The following COL23A1 variants were observed in gnomAD, a reference collection of about 807,000 sequenced individuals.
COL23A1 encodes collagen alpha-1(XXIII) chain.
COL23A1 carries 97 observed loss-of-function variants against 99.3 expected under a neutral mutation model. The observed-to-expected ratio is 0.98, with a 90% CI of 0.83 to 1.16. The LOEUF (loss-of-function observed/expected upper bound fraction) is 1.16. Among genes scored for constraint, COL23A1 ranks in the 50% most tolerant of loss-of-function variants. COL23A1 has a pLI of 0.00. For synonymous variants in COL23A1, 320 were observed against 308.2 expected (o/e 1.04, Z -0.40); for missense variants, 762 against 757.4 (o/e 1.01, Z -0.07).
At chr5:178,264,603 A>G (rs1411100666) in intron 8 of COL23A1, among the ~76,000 whole-genome samples, 4 of 152,240 alleles carry the variant, frequency 2.6e-5, no homozygotes, top group Admixed American at 1.3e-4. Context: ...ACCCTCTTGT[A>G]ACAAAGAAAG....
intron 2 of COL23A1, among the ~76,000 whole-genome samples, chr5:178,490,875 G>T (rs1169280010): frequency 6.6e-6 from 1 of 152,096 alleles, no homozygotes; most frequent in African/African-American, 2.4e-5. Flanking sequence ...TACCTAAAAA[G>T]AGTGAATTTT....
At chr5:178,311,885 C>A (rs918656587) in intron 2 of COL23A1, among the ~76,000 whole-genome samples, 2 of 152,108 alleles carry the variant, frequency 1.3e-5, no homozygotes, top group Admixed American at 6.5e-5. Context: ...CACGCGCCAC[C>A]ATGCCTGGCT....
chr5:178,359,882 A>G (rs543003883), intron 2 of COL23A1, among the ~76,000 whole-genome samples: 8 of 152,330 alleles, frequency 5.3e-5, no homozygotes, highest in Non-Finnish European at 2.9e-5. Context: ...TCAAGGGTGA[A>G]GGGAGAGGGA....
chr5:178,314,000 G>A lies in COL23A1; in HGVS notation c.362-7081C>T, dbSNP rs1581135858. Among the ~76,000 whole-genome samples the A allele has an allele frequency of 6.6e-6, 1 of 152,026 alleles. No individual in the cohort carries two copies. Among genetic ancestry groups the A allele is most frequent in the East Asian group, 1.9e-4 (1 of 5,180 alleles). ...ATTCTCTCTGCACATTCCCAGCTTG[G>A]CCTCACAAAGCCCTCTGTCCCTTGG... On this transcript the variant is annotated intron_variant, in intron 2 of 28. Transcript: ENST00000390654. The surrounding 1 kb of genome is among the most constrained non-coding windows in gnomAD (Gnocchi z 4.2).
rs1562093659 is a variant in COL23A1 at position 178,562,735 on chromosome 5, G to GGGA, written c.295-1988_295-1987insTCC. ...CGCAGGTTGCTGCCGCTGGCTGGTG[G>GGGA]TGGGGGGGGTGCGGGCTTTTATTCC... is the stretch of plus-strand genomic sequence containing the variant. On this transcript the variant is annotated intron_variant, in intron 1 of 28. Coordinates refer to ENST00000390654, the MANE Select transcript of COL23A1 (RefSeq NM_173465.4). The GGGA allele has an allele frequency of 1.5e-4, 18 of 121,636 alleles. 2 individuals are homozygous for GGGA. The highest frequency in any genetic ancestry group is 6.3e-4 in the African/African-American group (18 of 28,418). 7.5% of individuals were successfully genotyped at this position (121,636 alleles called of 1,614,324 possible). A position where few individuals can be genotyped will look rare whatever the true frequency, so the allele number is the denominator to read the frequency against.
intron 2 of COL23A1, among the ~76,000 whole-genome samples, chr5:178,464,175 T>C (rs1756287256): frequency 6.6e-6 from 1 of 152,230 alleles, no homozygotes; most frequent in Non-Finnish European, 1.5e-5. Flanking sequence ...CTCTTTCATC[T>C]TCCCAAACTG....
At chr5:178,562,515 A>G (rs6880593) in intron 1 of COL23A1, 3 of 150,580 alleles carry the variant, frequency 2.0e-5, no homozygotes, top group Non-Finnish European at 4.4e-5. Flanking sequence ...AGATTGCGCC[A>G]CTGCACTCCA....
At position 178,485,336 on chromosome 5, in the gene COL23A1, G is replaced by A. The variant is rs975139191; in HGVS notation, c.361+75346C>T. Among the ~76,000 whole-genome samples the A allele has an allele frequency of 1.2e-4, 18 of 151,518 alleles. 1 individual carries two copies. The highest frequency in any genetic ancestry group is 8.3e-4 in the South Asian group (4 of 4,794). On this transcript the variant is annotated intron_variant, in intron 2 of 28. Coordinates refer to ENST00000390654, the MANE Select transcript of COL23A1 (RefSeq NM_173465.4). ...AAAATACCAGAAAAATTAGCTGGGC[G>A]TGGTGGTGTGTGCCTGTAGTCCCAG...
chr5:178,557,872 T>C (rs1762362925), intron 2 of COL23A1, among the ~76,000 whole-genome samples: 1 of 151,978 alleles, frequency 6.6e-6, no homozygotes. Flanking sequence ...GGTTCTGGTC[T>C]AAGGGGCTCT....
intron 2 of COL23A1, among the ~76,000 whole-genome samples, chr5:178,400,713 C>G (rs1462843208): frequency 6.6e-6 from 1 of 151,824 alleles, no homozygotes; most frequent in South Asian, 2.1e-4. Context: ...TCTCAGCTCA[C>G]TCCAACCTCT....
intron 1 of COL23A1, among the ~76,000 whole-genome samples, chr5:178,586,669 T>C (rs1192734170): frequency 1.3e-5 from 2 of 151,636 alleles, no homozygotes; most frequent in Non-Finnish European, 2.9e-5. Flanking sequence ...CAAGAAGTCA[T>C]TGAAAGGAAA....
intron 2 of COL23A1, among the ~76,000 whole-genome samples, chr5:178,362,447 G>A (rs1762222756): frequency 6.6e-6 from 1 of 151,808 alleles, no homozygotes. Context: ...CCTGTGGCCT[G>A]CCAAGCAGCC....
chr5:178,337,071 A>G (rs764544823), intron 2 of COL23A1, among the ~76,000 whole-genome samples: 12 of 152,160 alleles, frequency 7.9e-5, no homozygotes, highest in Non-Finnish European at 1.6e-4. Context: ...CCCTATTGGA[A>G]TTCGATTTCC....
intron 10 of COL23A1, 80 bp from the exon 11 acceptor site, chr5:178,261,828 G>A (rs1765642502): frequency 6.5e-6 from 8 of 1,230,032 alleles, no homozygotes; most frequent in South Asian, 1.2e-5. Context: ...TCCTGGCTTT[G>A]TAAAAGGTGA....
At chr5:178,275,234 G>C (rs1191582065) in intron 5 of COL23A1, among the ~76,000 whole-genome samples, 2 of 152,260 alleles carry the variant, frequency 1.3e-5, no homozygotes, top group Non-Finnish European at 2.9e-5. Context: ...TTGTTTCCCA[G>C]ACCAATGCAA....
At chr5:178,409,417 A>G (rs1334335288) in intron 2 of COL23A1, among the ~76,000 whole-genome samples, 1 of 152,214 alleles carries the variant, frequency 6.6e-6, no homozygotes, top group East Asian at 1.9e-4. Flanking sequence ...AAGAGTGGTG[A>G]GAGGTTGGAG....
At chr5:178,575,436 C>T (rs567519047) in intron 1 of COL23A1, among the ~76,000 whole-genome samples, 1 of 152,270 alleles carries the variant, frequency 6.6e-6, no homozygotes, top group South Asian at 2.1e-4. Flanking sequence ...TTAACAGCAA[C>T]ATGTTTTTCG....
At position 178,444,663 on chromosome 5, in the gene COL23A1, G is replaced by A. The variant is rs1397484739; in HGVS notation, c.361+116019C>T. 2.0e-5 allele frequency among the ~76,000 whole-genome samples: 3 copies of A among 152,302 alleles called. No homozygotes were observed. In the East Asian group the frequency reaches 5.8e-4, roughly 29 times the overall value. Reference sequence around the variant, plus strand: ...TGCAAAAAATTAGCCAGGTGTGGTGGTGTACATCTGTAATCCCAGCTACTC... The same window carrying A: ...TGCAAAAAATTAGCCAGGTGTGGTGATGTACATCTGTAATCCCAGCTACTC... On this transcript the variant is annotated intron_variant, in intron 2 of 28. Transcript: ENST00000390654.
At chr5:178,574,610 T>C (rs1763260606) in intron 1 of COL23A1, among the ~76,000 whole-genome samples, 1 of 152,170 alleles carries the variant, frequency 6.6e-6, no homozygotes, top group African/African-American at 2.4e-5. Flanking sequence ...GACATTCAGA[T>C]AACATACATT....
Sources: gnomAD v4.1 joint callset for allele counts (sites outside exome capture counted in the v4.1 genomes callset) on GRCh38, gnomAD v4.1.1 for gene constraint, Gnocchi (gnomAD v3.1) non-coding constraint, MANE v1.5 for transcripts, NCBI Gene and HGNC (gene_info 2026-07-23, HGNC 2026-07-21) for gene names.